CACNA1C: variants seen among roughly 807,000 people sequenced by gnomAD.
The protein encoded by CACNA1C is calcium voltage-gated channel subunit alpha1 C, also known as voltage-dependent L-type calcium channel subunit alpha-1C.
A neutral mutation model predicts 229.0 loss-of-function variants in CACNA1C; 30 were observed. The ratio of observed to expected loss-of-function variants is 0.13; its 90% confidence interval spans 0.10 to 0.18. CACNA1C has a LOEUF of 0.18. Ranked by LOEUF, CACNA1C falls within the 10% of genes least tolerant of loss-of-function variation. The pLI, the probability that CACNA1C is intolerant of heterozygous loss-of-function variation, is 1.00. For synonymous variants in CACNA1C, 1,114 were observed against 1,132.5 expected (o/e 0.98, Z 0.33); for missense variants, 1,658 against 2,845.0 (o/e 0.58, Z 9.49).
At chr12:2,362,625 C>T (rs754578803) in intron 3 of CACNA1C, among the ~76,000 whole-genome samples, 17 of 152,192 alleles carry the variant, frequency 1.1e-4, no homozygotes, top group Non-Finnish European at 1.5e-5. Flanking sequence ...CCGTTCTGAT[C>T]GTTCCTTTAG....
chr12:2,075,253 T>C (rs528489471), intron 1 of CACNA1C, among the ~76,000 whole-genome samples: 1 of 152,304 alleles, frequency 6.6e-6, no homozygotes, highest in South Asian at 2.1e-4. Flanking sequence ...CCCTGACTCC[T>C]GGGGTGGCAG....
At chr12:2,394,134 AG>A (rs1183525325) in intron 3 of CACNA1C, among the ~76,000 whole-genome samples, 1 of 148,456 alleles carries the variant, frequency 6.7e-6, no homozygotes, top group Admixed American at 6.7e-5. Context: ...AAGGAAAAGG[AG>A]GGACACTGGA....
At chr12:2,174,212 A>G (rs551941770) in intron 3 of CACNA1C, among the ~76,000 whole-genome samples, 1 of 152,176 alleles carries the variant, frequency 6.6e-6, no homozygotes, top group South Asian at 2.1e-4. Flanking sequence ...CAGGCAAGAG[A>G]GAAAACTCTA....
intron 1 of CACNA1C, chr12:1,992,851 G>T (rs2154474552): frequency 2.5e-6 from 1 of 395,604 alleles, no homozygotes; most frequent in Non-Finnish European, 4.5e-6. Flanking sequence ...CACTTTGTCA[G>T]CTCACTCGGC....
intron 4 of CACNA1C, among the ~76,000 whole-genome samples, chr12:2,450,025 C>T (rs948870624): frequency 1.3e-5 from 2 of 152,146 alleles, no homozygotes; most frequent in African/African-American, 2.4e-5. Flanking sequence ...CTATGAAAGG[C>T]GAAGATGACA....
intron 7 of CACNA1C, among the ~76,000 whole-genome samples, chr12:2,498,002 C>CACACACACA (rs1491106908): frequency 4.0e-5 from 6 of 149,820 alleles, no homozygotes; most frequent in African/African-American, 1.5e-4. Context: ...CACACACACA[C>CACACACACA]AACAGCTATT....
At chr12:2,130,232 T>A (rs1264687877) in intron 3 of CACNA1C, among the ~76,000 whole-genome samples, 1 of 151,506 alleles carries the variant, frequency 6.6e-6, no homozygotes, top group Admixed American at 6.6e-5. Context: ...ACATTACATT[T>A]TATTACCTTT....
intron 5 of CACNA1C, among the ~76,000 whole-genome samples, chr12:2,474,756 C>CAAAA (rs34963749): frequency 5.0e-5 from 5 of 99,820 alleles, no homozygotes; most frequent in East Asian, 2.4e-4. Context: ...AACTCCATCT[C>CAAAA]AAAAAAAAAA....
chr12:2,115,382 A>G lies in CACNA1C; in HGVS notation c.208A>G (p.Asn70Asp), dbSNP rs1455016490. The change falls in exon 2 of 47, where the codon AAT becomes GAT. Residue 70 changes from asparagine to aspartate, a missense_variant. Physicochemically the swap from Asn to Asp is conservative, Grantham distance 23 (BLOSUM62 1). Coordinates refer to ENST00000399655, the MANE Select transcript of CACNA1C (RefSeq NM_000719.7). ...GGCTAAGCTGATGGGCAGCGCTGGCAATGCGACCATCTCCACAGTCAGCTC... is the reference window on the plus strand; with the variant it reads ...GGCTAAGCTGATGGGCAGCGCTGGCGATGCGACCATCTCCACAGTCAGCTC... ...RQAKLMGSAG[N>D]ATISTVSSTQ... 1 of 1,609,012 alleles carries G rather than the reference A, an allele frequency of 6.2e-7. No homozygotes were observed. Among genetic ancestry groups the G allele is most frequent in the South Asian group, 1.1e-5 (1 of 90,432 alleles).
intron 3 of CACNA1C, among the ~76,000 whole-genome samples, chr12:2,339,535 CATGT>C (rs1171442305): frequency 6.6e-6 from 1 of 152,304 alleles, no homozygotes; most frequent in Admixed American, 6.5e-5. Context: ...CTTATAATAA[CATGT>C]AGCTTAAAAC....
At position 2,690,939 on chromosome 12, in the gene CACNA1C, C is replaced by T. The variant is rs2097778522; in HGVS notation, c.6157C>T (p.Pro2053Ser). Residue 2053 changes from proline to serine, a missense_variant, in exon 47 of 47, where the codon CCC becomes TCC. Physicochemically the swap from Pro to Ser is moderately conservative, Grantham distance 74. This residue lies in a region of CACNA1C where 590 missense variants were observed against 700.8 expected (regional missense o/e 0.84). Transcript: ENST00000399655. ...AGGACTGGGGCAGTTTGCTCAAGAT[C>T]CCAAGTTCATCGAGGTCACCACCCA... ...SEGLGQFAQD[P>S]KFIEVTTQEL... is the part of the protein sequence containing the mutation. 1 of 1,594,702 alleles carries T rather than the reference C, an allele frequency of 6.3e-7. No individual in the cohort carries two copies. The highest frequency in any genetic ancestry group is 8.5e-7 in the Non-Finnish European group (1 of 1,169,690).
Position 2,655,351 on chromosome 12 carries a change from G to A in CACNA1C, c.4232+113G>A, listed in dbSNP as rs546580575. The stretch of plus-strand genomic sequence containing the variant: ...CTTCCCGGGGAGTAGGAAGGGAGAG[G>A]ATGTGTTGCTTGCTCTCTGCCTGAC... On this transcript the variant is annotated intron_variant, in intron 34 of 46. Transcript: ENST00000399655. 1.4e-4 allele frequency: 91 copies of A among 647,924 alleles called. No individual in the cohort carries two copies. The African/African-American group carries it at 1.5e-3, about 11-fold the overall frequency. 40.1% of individuals were successfully genotyped at this position (647,924 alleles called of 1,614,324 possible). A position where few individuals can be genotyped will look rare whatever the true frequency, so the allele number is the denominator to read the frequency against.
At chr12:2,146,311 A>G (rs938049647) in intron 3 of CACNA1C, among the ~76,000 whole-genome samples, 1 of 151,312 alleles carries the variant, frequency 6.6e-6, no homozygotes, top group African/African-American at 2.4e-5. Flanking sequence ...ATTCTACAGT[A>G]GGAGTCAGGA....
rs2091191855 is a variant in CACNA1C at position 2,281,293 on chromosome 12, A to T, written c.477+160863A>T. 2.6e-5 allele frequency among the ~76,000 whole-genome samples: 4 copies of T among 152,140 alleles called. No individual in the cohort carries two copies. In the East Asian group the frequency reaches 7.7e-4, roughly 29 times the overall value. The stretch of plus-strand genomic sequence containing the variant: ...GTTCTAAACCTCACAATACATTGTT[A>T]CTATTTTTGTTTAGGCAGTCAATGA... On this transcript the variant is annotated intron_variant, in intron 3 of 46. Coordinates refer to ENST00000399655, the MANE Select transcript of CACNA1C (RefSeq NM_000719.7).
intron 3 of CACNA1C, among the ~76,000 whole-genome samples, chr12:2,320,082 G>C (rs2095898396): frequency 6.6e-6 from 1 of 152,144 alleles, no homozygotes; most frequent in South Asian, 2.1e-4. Context: ...TCCAGCCCCG[G>C]GGATTCAGGC....
chr12:2,330,610 A>C (rs2096514779), intron 3 of CACNA1C, among the ~76,000 whole-genome samples: 2 of 152,192 alleles, frequency 1.3e-5, no homozygotes, highest in African/African-American at 4.8e-5. Context: ...TATTTTTCCA[A>C]TGTCCTAAAT....
rs546786746 is a variant in CACNA1C at position 2,120,379 on chromosome 12, G to A, written c.426G>A (p.Ala142=). ...LTIFANCVAL[A]IYIPFPEDDS... is the part of the protein sequence containing the mutation. Reference sequence around the variant, plus strand: ...TTTTTGCCAATTGTGTGGCCTTAGCGATCTATATTCCCTTTCCAGAAGATG... The same window carrying A: ...TTTTTGCCAATTGTGTGGCCTTAGCAATCTATATTCCCTTTCCAGAAGATG... The change falls in exon 3 of 47, where the codon GCG becomes GCA. Residue 142 remains alanine (A), a synonymous_variant. Transcript: ENST00000399655. The A allele has an allele frequency of 4.0e-5, 65 of 1,611,972 alleles. No homozygotes were observed. The East Asian group carries it at 6.5e-4, about 16-fold the overall frequency.
At chr12:2,477,260 G>A (rs1211613266) in intron 5 of CACNA1C, among the ~76,000 whole-genome samples, 1 of 152,208 alleles carries the variant, frequency 6.6e-6, no homozygotes, top group African/African-American at 2.4e-5. Context: ...AATGCTGAAA[G>A]GAGCACTCAT....
intron 3 of CACNA1C, among the ~76,000 whole-genome samples, chr12:2,405,820 T>C (rs2098731964): frequency 6.6e-6 from 1 of 152,230 alleles, no homozygotes; most frequent in Non-Finnish European, 1.5e-5. Context: ...ACAGAAAGTG[T>C]ATTCATTTGC....
Sources: allele counts gnomAD v4.1 joint callset (sites outside exome capture counted in the v4.1 genomes callset), GRCh38; gene constraint gnomAD v4.1.1; regional missense constraint gnomAD v4.1.1; transcripts MANE v1.5; gene names NCBI Gene and HGNC (gene_info 2026-07-23, HGNC 2026-07-21).